The following C11orf21 variants were observed in gnomAD, a reference collection of about 807,000 sequenced individuals.
The protein encoded by C11orf21 is chromosome 11 open reading frame 21.
C11orf21 carries 19 observed loss-of-function variants against 15.2 expected under a neutral mutation model. The observed-to-expected ratio is 1.25, with a 90% CI of 0.87 to 1.84. C11orf21 has a LOEUF of 1.84. Among genes scored for constraint, C11orf21 ranks in the 40% most tolerant of loss-of-function variants. The probability of loss-of-function intolerance (pLI) is 0.00; values close to 1 mark genes in which losing one functional copy is unlikely to be tolerated. For missense variants in C11orf21, 171 were observed against 174.4 expected, an observed-to-expected ratio of 0.98 and a Z score of 0.11; for synonymous variants, 62 against 66.8, an observed-to-expected ratio of 0.93 and a Z score of 0.35.
Position 2,297,859 on chromosome 11 carries a change from G to C in C11orf21, c.*91C>G, listed in dbSNP as rs1386728754. 6.6e-6 allele frequency: 1 copy of C among 152,290 alleles called. No individual in the cohort carries two copies. Among genetic ancestry groups the C allele is most frequent in the East Asian group, 1.9e-4 (1 of 5,198 alleles). 9.4% of individuals were successfully genotyped at this position (152,290 alleles called of 1,614,324 possible). On this transcript the variant is annotated 3_prime_UTR_variant, in exon 4 of 4. Coordinates refer to ENST00000381153, the MANE Select transcript of C11orf21 (RefSeq NM_001329958.2). ...TCAAGGTGCTGCTGATTCCAGTCTT[G>C]GTGAGGGCTCTCTTCCTGGCTTACA...
rs1010891128 is a variant in C11orf21, at chr11:2,296,641, C to T, written c.*1309G>A. 1 of 152,392 alleles carries T rather than the reference C, an allele frequency of 6.6e-6. No individual in the cohort carries two copies. The highest frequency in any genetic ancestry group is 6.5e-5 in the Admixed American group (1 of 15,294). The allele number at this position is 152,392 out of a possible 1,614,324, so 9.4% of individuals were successfully genotyped here. A position where few individuals can be genotyped will look rare whatever the true frequency, so the allele number is the denominator to read the frequency against. On this transcript the variant is annotated 3_prime_UTR_variant, in exon 4 of 4. Coordinates refer to ENST00000381153, the MANE Select transcript of C11orf21 (RefSeq NM_001329958.2). The surrounding 1 kb of genome is among the most constrained non-coding windows in gnomAD (Gnocchi z 5.6). Reference sequence around the variant, plus strand: ...CTCAGGGGCACCCAGTCCTCCTTCACTCAGGCACCAGGCAAGGGAGGCCAC... The same window carrying T: ...CTCAGGGGCACCCAGTCCTCCTTCATTCAGGCACCAGGCAAGGGAGGCCAC...
upstream of C11orf21, chr11:2,302,590 G>C (rs1022401912): frequency 2.1e-5 from 12 of 563,976 alleles, no homozygotes; most frequent in Admixed American, 1.9e-4. Context: ...AATGATCAGA[G>C]GTCCTGGGTG....
chr11:2,296,236 T>C lies in C11orf21; in HGVS notation c.*1714A>G, dbSNP rs1032622492. 2.0e-5 allele frequency: 3 copies of C among 152,204 alleles called. No homozygotes were observed. The highest frequency in any genetic ancestry group is 4.8e-5 in the African/African-American group (2 of 41,442). 9.4% of individuals were successfully genotyped at this position (152,204 alleles called of 1,614,324 possible). On this transcript the variant is annotated 3_prime_UTR_variant, in exon 4 of 4. Transcript: ENST00000381153. The surrounding 1 kb of genome is among the most constrained non-coding windows in gnomAD (Gnocchi z 5.6). Reference sequence around the variant, plus strand: ...CCTAGGCAGAGTTCACCCCAATGGCTTCCACCTGGCCTTTCCCAGCATAGT... The same window carrying C: ...CCTAGGCAGAGTTCACCCCAATGGCCTCCACCTGGCCTTTCCCAGCATAGT...
intron 3 of C11orf21, among the ~76,000 whole-genome samples, chr11:2,298,640 C>T (rs1260180067): frequency 1.3e-5 from 2 of 152,288 alleles, no homozygotes; most frequent in Admixed American, 6.5e-5. Flanking sequence ...TCCACCCCCA[C>T]GGGGTGCCGA....
intron 1 of C11orf21, chr11:2,301,491 A>G (rs1847745515): frequency 5.1e-6 from 2 of 395,570 alleles, no homozygotes; most frequent in Non-Finnish European, 9.2e-6. Flanking sequence ...CTCCCCCTGG[A>G]GGCCCCACGT....
intron 1 of C11orf21, 75 bp from the exon 2 acceptor site, chr11:2,300,688 T>G (rs1847697490): frequency 6.5e-7 from 1 of 1,550,026 alleles, no homozygotes; most frequent in African/African-American, 1.4e-5. Flanking sequence ...TCAGACCTGA[T>G]GAAGAGGTGT....
chr11:2,301,707 C>T, intron 1 of C11orf21, 49 bp downstream of exon 1: 1 of 1,457,712 alleles, frequency 6.9e-7, no homozygotes, highest in Non-Finnish European at 9.2e-7. Flanking sequence ...AAGGATTACG[C>T]CCCCAAGGCC....
chr11:2,300,468 C>T, intron 2 of C11orf21, 52 bp downstream of exon 2: 2 of 1,236,102 alleles, frequency 1.6e-6, no homozygotes, highest in Non-Finnish European at 1.1e-6. Context: ...GGGGGTTCCA[C>T]CGGCTCCCTG....
In C11orf21 at chr11:2,296,467, G is replaced by A. The variant is rs1847528152; in HGVS notation, c.*1483C>T. The stretch of plus-strand genomic sequence containing the variant: ...TGGGTGTTTGTGTCCCCAGGAGTGG[G>A]TGTCAGGTTAGAGTTAGAGTCCAGT... On this transcript the variant is annotated 3_prime_UTR_variant, in exon 4 of 4. Coordinates refer to ENST00000381153, the MANE Select transcript of C11orf21 (RefSeq NM_001329958.2). This position sits in a 1 kb window ranked among gnomAD's most constrained non-coding sequence, Gnocchi z 5.6. 1.3e-5 allele frequency: 2 copies of A among 152,232 alleles called. No homozygotes were observed. Among genetic ancestry groups the A allele is most frequent in the South Asian group, 4.1e-4 (2 of 4,828 alleles). 9.4% of individuals were successfully genotyped at this position (152,232 alleles called of 1,614,324 possible). A position where few individuals can be genotyped will look rare whatever the true frequency, so the allele number is the denominator to read the frequency against.
rs11022118 is a variant in C11orf21 at position 2,296,061 on chromosome 11, C to T, written c.*1889G>A. 2 of 152,156 alleles carry T rather than the reference C, an allele frequency of 1.3e-5. No individual in the cohort carries two copies. Among genetic ancestry groups the T allele is most frequent in the African/African-American group, 4.8e-5 (2 of 41,422 alleles). 9.4% of individuals were successfully genotyped at this position (152,156 alleles called of 1,614,324 possible). A position where few individuals can be genotyped will look rare whatever the true frequency, so the allele number is the denominator to read the frequency against. Reference sequence around the variant, plus strand: ...CCAGGATTCACTGTCCTTCTTTCTCCGGGACCCCCCTGTCTTCCACACAAG... The same window carrying T: ...CCAGGATTCACTGTCCTTCTTTCTCTGGGACCCCCCTGTCTTCCACACAAG... On this transcript the variant is annotated 3_prime_UTR_variant, in exon 4 of 4. Transcript: ENST00000381153. This position sits in a 1 kb window ranked among gnomAD's most constrained non-coding sequence, Gnocchi z 5.6.
upstream of C11orf21, chr11:2,302,889 G>T (rs1329881334): frequency 6.2e-7 from 1 of 1,613,632 alleles, no homozygotes; most frequent in Middle Eastern, 1.7e-4. Flanking sequence ...TACCTACTTC[G>T]GGGCCCACTT....
At position 2,300,458 on chromosome 11, in the gene C11orf21, G is replaced by T. The variant is rs1018668325; in HGVS notation, c.147+62C>A. 9.5e-6 allele frequency: 10 copies of T among 1,048,200 alleles called. No individual in the cohort carries two copies. The African/African-American group carries it at 1.3e-4, about 14-fold the overall frequency. The allele number at this position is 1,048,200 out of a possible 1,614,324, so 64.9% of individuals were successfully genotyped here. A position where few individuals can be genotyped will look rare whatever the true frequency, so the allele number is the denominator to read the frequency against. On this transcript the variant is annotated intron_variant, in intron 2 of 3. Coordinates refer to ENST00000381153, the MANE Select transcript of C11orf21 (RefSeq NM_001329958.2). The stretch of plus-strand genomic sequence containing the variant: ...GAGGGTGTGGCTCAGCAAAGGGCGT[G>T]GGGGTTCCACCGGCTCCCTGCCCCC...
In C11orf21 at chr11:2,299,541, A is replaced by G; in HGVS notation, c.314T>C (p.Leu105Pro). ...LPGQLPLAIRLGWDLDLEAGP... is the reference protein window; with the variant it reads ...LPGQLPLAIRPGWDLDLEAGP... ...TGCTTCTAAGTCCAAGTCCCATCCCAGCCGGATAGCCAGGGGCAACTGCCC... is the reference window on the plus strand; with the variant it reads ...TGCTTCTAAGTCCAAGTCCCATCCCGGCCGGATAGCCAGGGGCAACTGCCC... The change falls in exon 3 of 4, where the codon CTG becomes CCG. Residue 105 changes from leucine to proline, a missense_variant. Physicochemically the swap from Leu to Pro is moderately conservative, Grantham distance 98. Coordinates refer to ENST00000381153, the MANE Select transcript of C11orf21 (RefSeq NM_001329958.2). 1 of 1,550,698 alleles carries G rather than the reference A, an allele frequency of 6.4e-7. No individual in the cohort carries two copies. Among genetic ancestry groups the G allele is most frequent in the Non-Finnish European group, 8.7e-7 (1 of 1,146,986 alleles).
chr11:2,302,810 C>G (rs761607007), upstream of C11orf21: 3 of 1,582,324 alleles, frequency 1.9e-6, no homozygotes, highest in Admixed American at 3.4e-5. Flanking sequence ...GCAGCAGTCC[C>G]ATGCCCCACA....
chr11:2,299,297 CTCT>C, intron 3 of C11orf21, 128 bp downstream of exon 3: 1 of 992,888 alleles, frequency 1.0e-6, no homozygotes, highest in South Asian at 1.7e-5. Flanking sequence ...CCCCACAGGT[CTCT>C]TCAAGCTCCA....
chr11:2,300,117 C>T (rs1430827930), intron 2 of C11orf21, among the ~76,000 whole-genome samples: 2 of 44,448 alleles, frequency 4.5e-5, no homozygotes, highest in Non-Finnish European at 8.4e-5. Flanking sequence ...TGAGGGTGGG[C>T]AGGGGTGTGT....
chr11:2,302,398 T>C (rs2234291), upstream of C11orf21, among the ~76,000 whole-genome samples: 2,174 of 152,252 alleles, frequency 0.014, 60 homozygotes, highest in African/African-American at 0.05. Context: ...GGGACCACCA[T>C]GAGCAACCCC....
chr11:2,300,708 G>T, intron 1 of C11orf21, 95 bp from the exon 2 acceptor site: 1 of 1,550,964 alleles, frequency 6.4e-7, no homozygotes, highest in Non-Finnish European at 8.7e-7. Flanking sequence ...TCCCAGAAGC[G>T]GGTGGTGCTC....
At chr11:2,302,037 A>C, upstream of C11orf21, 1 of 1,492,082 alleles carries the variant, frequency 6.7e-7, no homozygotes, top group Non-Finnish European at 8.9e-7. Flanking sequence ...AGACAGACAG[A>C]GGGGCGGATG....
Sources: allele counts gnomAD v4.1 joint callset (sites outside exome capture counted in the v4.1 genomes callset), GRCh38; gene constraint gnomAD v4.1.1; non-coding constraint Gnocchi (gnomAD v3.1); transcripts MANE v1.5; gene names NCBI Gene and HGNC (gene_info 2026-07-23, HGNC 2026-07-21).